EML2: variants seen among roughly 807,000 people sequenced by gnomAD.
The protein encoded by EML2 is echinoderm microtubule-associated protein-like 2.
In EML2, 59 loss-of-function variants were observed where a neutral mutation model predicts 84.7. The ratio of observed to expected loss-of-function variants is 0.70; its 90% CI spans 0.56 to 0.86. The LOEUF (loss-of-function observed/expected upper bound fraction) is 0.86. Ranked by LOEUF, EML2 falls within the 40% of genes least tolerant of loss-of-function variation. The probability of loss-of-function intolerance (pLI) is 0.00; values close to 1 mark genes in which losing one functional copy is unlikely to be tolerated. For missense variants in EML2, 818 were observed against 855.6 expected, an observed-to-expected ratio of 0.96 and a Z score of 0.55; for synonymous variants, 352 against 348.9, an observed-to-expected ratio of 1.01 and a Z score of -0.10.
At chr19:45,618,578 G>C (rs1223398189) in intron 12 of EML2, among the ~76,000 whole-genome samples, 1 of 151,920 alleles carries the variant, frequency 6.6e-6, no homozygotes. Context: ...TTCCAGTCAA[G>C]AACCTACTCC....
intron 7 of EML2, 121 bp from the exon 8 acceptor site, chr19:45,626,960 CTTTTTTTT>C: frequency 3.8e-6 from 2 of 527,624 alleles, no homozygotes; most frequent in South Asian, 9.3e-5. Flanking sequence ...CTGAACTTTT[CTTTTTTTT>C]TTTTTTTTCA....
At position 45,613,583 on chromosome 19, in the gene EML2, A is replaced by G; in HGVS notation, c.1782T>C (p.Phe594=). The change falls in exon 18 of 19, where the codon TTT becomes TTC. Residue 594 remains phenylalanine (F), a synonymous_variant. Transcript: ENST00000245925. ...GGTAGCTAAACAGGTGAACTTTGCC[A>G]AAGTCATCAGCTGAAGCCAGCAACT... ...DGKLLASADD[F]GKVHLFSYPC... 1 of 1,614,086 alleles carries G rather than the reference A, an allele frequency of 6.2e-7. No homozygotes were observed. Among genetic ancestry groups the G allele is most frequent in the East Asian group, 2.2e-5 (1 of 44,876 alleles).
rs368869431 is a variant in EML2, at chr19:45,632,924, G to C, written c.447C>G (p.Thr149=). The change falls in exon 6 of 19, where the codon ACC becomes ACG. Residue 149 remains threonine (T), a synonymous_variant. Coordinates refer to ENST00000245925, the MANE Select transcript of EML2 (RefSeq NM_012155.4). ...VRIWDSVSLS[T]LHVLGLGVFD... The stretch of plus-strand genomic sequence containing the variant: ...ACACCCCCAAGCCCAGCACGTGTAA[G>C]GTGGAGAGGGAAACTGAGTCCCAGA... The C allele has an allele frequency of 1.9e-6, 3 of 1,614,226 alleles. No homozygotes were observed. In the Admixed American group the frequency reaches 5.0e-5, roughly 27 times the overall value.
chr19:45,611,259 A>G (rs1057432785), intron 18 of EML2, among the ~76,000 whole-genome samples: 2 of 151,782 alleles, frequency 1.3e-5, no homozygotes, highest in Non-Finnish European at 2.9e-5. Flanking sequence ...GAAAAATACA[A>G]AATTAGCCGG....
intron 3 of EML2, among the ~76,000 whole-genome samples, chr19:45,637,554 C>G (rs1046316678): frequency 1.4e-5 from 2 of 146,584 alleles, no homozygotes; most frequent in Non-Finnish European, 3.0e-5. Context: ...TCATGGCTCA[C>G]TGCAACCTCG....
At chr19:45,628,147 G>A (rs1474452375) in intron 7 of EML2, among the ~76,000 whole-genome samples, 3 of 151,512 alleles carry the variant, frequency 2.0e-5, no homozygotes, top group Admixed American at 6.6e-5. Context: ...CGAGGCAGGC[G>A]GATCACGAGG....
chr19:45,633,463 T>TC (rs1319754174), intron 4 of EML2, among the ~76,000 whole-genome samples: 2 of 151,182 alleles, frequency 1.3e-5, no homozygotes, highest in Non-Finnish European at 3.0e-5. Flanking sequence ...TTCAGTTTTT[T>TC]TTTTTTTTAA....
At chr19:45,617,250 AAAAAC>A (rs1216856018) in intron 13 of EML2, among the ~76,000 whole-genome samples, 7 of 151,596 alleles carry the variant, frequency 4.6e-5, no homozygotes, top group East Asian at 1.9e-4. Flanking sequence ...TGTCCCCCCA[AAAAAC>A]AAAACAAAAC....
chr19:45,638,491 C>T lies in EML2; in HGVS notation c.179+14G>A, dbSNP rs1268730656. 2.6e-5 allele frequency: 42 copies of T among 1,613,776 alleles called. No individual in the cohort carries two copies. Among genetic ancestry groups the T allele is most frequent in the Non-Finnish European group, 3.4e-5 (40 of 1,180,026 alleles). On this transcript the variant is annotated intron_variant, in intron 3 of 18. Coordinates refer to ENST00000245925, the MANE Select transcript of EML2 (RefSeq NM_012155.4). ...GGGGATGGGAGCACCAAGGAGATTC[C>T]AGCAAAAGGATACACCCACTCCAGC...
At chr19:45,617,605 C>T in intron 13 of EML2, 25 bp downstream of exon 13, 2 of 1,608,006 alleles carry the variant, frequency 1.2e-6, no homozygotes, top group Non-Finnish European at 1.7e-6. Flanking sequence ...GAGAAGGCCT[C>T]CCGAAATGCT....
At chr19:45,614,923 T>C in intron 16 of EML2, 1 of 463,646 alleles carries the variant, frequency 2.2e-6, no homozygotes, top group Non-Finnish European at 4.0e-6. Context: ...TGGCCGGGCA[T>C]GGTGGCTCAC....
chr19:45,642,439 G>C (rs1469957408), upstream of EML2: 3 of 1,471,834 alleles, frequency 2.0e-6, no homozygotes, highest in African/African-American at 2.8e-5. Flanking sequence ...GTCTAAGCGG[G>C]GGGCCAGCCA....
chr19:45,626,739 C>T lies in EML2; in HGVS notation c.707G>A (p.Gly236Glu), dbSNP rs1375138567. Reference protein sequence around the residue: ...KSHIYFWTLEGGSLSKRQGLF... With the variant: ...KSHIYFWTLEEGSLSKRQGLF... The stretch of plus-strand genomic sequence containing the variant: ...GCCTTGCCGCTTGCTCAAGCTGCCC[C>T]CCTCCAAGGTCCAGAAGTAGATGTG... The change falls in exon 8 of 19, where the codon GGG becomes GAG. Residue 236 changes from glycine to glutamate, a missense_variant. By Grantham distance (98) the Gly-to-Glu change is moderately conservative. Coordinates refer to ENST00000245925, the MANE Select transcript of EML2 (RefSeq NM_012155.4). 3 of 1,613,814 alleles carry T rather than the reference C, an allele frequency of 1.9e-6. No individual in the cohort carries two copies. The highest frequency in any genetic ancestry group is 1.3e-5 in the African/African-American group (1 of 75,000).
At chr19:45,616,717 C>T (rs762573709) in intron 14 of EML2, 48 bp downstream of exon 14, 2 of 1,561,336 alleles carry the variant, frequency 1.3e-6, no homozygotes, top group Non-Finnish European at 1.8e-6. Flanking sequence ...AGCTCTGAGC[C>T]TCTGTCCCCT....
chr19:45,635,082 C>T (rs969005829), intron 3 of EML2, among the ~76,000 whole-genome samples: 18 of 152,134 alleles, frequency 1.2e-4, no homozygotes, highest in Non-Finnish European at 2.6e-4. Context: ...ATCTCCTGAC[C>T]TCATGATCCG....
At chr19:45,641,315 T>G, upstream of EML2, 1 of 272,914 alleles carries the variant, frequency 3.7e-6, no homozygotes, top group Non-Finnish European at 7.2e-6. Context: ...CTTGACTTCA[T>G]CCCTGAAACT....
At chr19:45,637,959 G>A (rs1019162351) in intron 3 of EML2, among the ~76,000 whole-genome samples, 10 of 151,814 alleles carry the variant, frequency 6.6e-5, no homozygotes, top group East Asian at 1.9e-4. Flanking sequence ...TTACAGGCAT[G>A]AGCCACCGCG....
chr19:45,645,365 C>G, upstream of EML2: 2 of 1,527,222 alleles, frequency 1.3e-6, no homozygotes, highest in South Asian at 1.2e-5. Context: ...ACCGCCGGCC[C>G]CCCCGGTCCC....
At chr19:45,630,179 C>A in intron 6 of EML2, 133 bp from the exon 7 acceptor site, 2 of 650,512 alleles carry the variant, frequency 3.1e-6, no homozygotes, top group Non-Finnish European at 2.8e-6. Context: ...GTGGGAGGAT[C>A]GCTTGAGTCC....
Sources: gnomAD v4.1 joint callset for allele counts (sites outside exome capture counted in the v4.1 genomes callset) on GRCh38, gnomAD v4.1.1 for gene constraint, MANE v1.5 for transcripts, NCBI Gene and HGNC (gene_info 2026-07-23, HGNC 2026-07-21) for gene names.